DYNC2I1: variants seen among roughly 807,000 people sequenced by gnomAD.
The protein encoded by DYNC2I1 is cytoplasmic dynein 2 intermediate chain 1.
In DYNC2I1, 89 loss-of-function variants were observed where a neutral mutation model predicts 133.4. The observed-to-expected ratio is 0.67, with a 90% confidence interval of 0.56 to 0.80. The LOEUF (loss-of-function observed/expected upper bound fraction) is 0.80, where lower values mean the gene tolerates loss of function less well. DYNC2I1 is among the 30% of genes least tolerant of loss of function. The pLI is 0.00. For missense variants in DYNC2I1, 1,291 were observed against 1,314.5 expected (o/e 0.98, Z 0.28); for synonymous variants, 504 against 484.3 (o/e 1.04, Z -0.54).
intron 3 of DYNC2I1, among the ~76,000 whole-genome samples, chr7:158,871,871 AT>A (rs1316328263): frequency 1.3e-5 from 2 of 151,940 alleles, no homozygotes; most frequent in Non-Finnish European, 2.9e-5. Flanking sequence ...TGTTTGGGAC[AT>A]TTTCCTCTTT....
Position 158,871,355 on chromosome 7 carries a change from G to A in DYNC2I1, c.283G>A (p.Asp95Asn), listed in dbSNP as rs1842856756. The change falls in exon 3 of 25, where the codon GAC (aspartate) becomes AAC (asparagine). Residue 95 changes from aspartate (D) to asparagine (N), a missense_variant. By Grantham distance (23) the Asp-to-Asn change is conservative. Transcript: ENST00000407559. ...DRDRQRERRR[D>N]AKDREKEKLK... is the part of the protein sequence containing the mutation. ...AGACAGACAGAGGGAGAGGAGAAGA[G>A]ACGCAAAAGACCGGGAGAAAGAAAA... 1.3e-6 allele frequency: 2 copies of A among 1,552,460 alleles called. No individual in the cohort carries two copies. The highest frequency in any genetic ancestry group is 1.7e-6 in the Non-Finnish European group (2 of 1,147,402).
chr7:158,887,453 G>T (rs970457860), intron 7 of DYNC2I1, among the ~76,000 whole-genome samples: 19 of 151,910 alleles, frequency 1.3e-4, no homozygotes, highest in African/African-American at 4.6e-4. Flanking sequence ...CTAACAAGAG[G>T]GTCCCAAAAC....
rs564898084 is a variant in DYNC2I1 at position 158,935,559 on chromosome 7, A to G, written c.2778+1010A>G. Among the ~76,000 whole-genome samples, 11 of 152,346 alleles carry G rather than the reference A, an allele frequency of 7.2e-5. No homozygotes were observed. The East Asian group carries it at 2.1e-3, about 29-fold the overall frequency. The stretch of plus-strand genomic sequence containing the variant: ...TATAGTACTTAAAACATTATAAATT[A>G]TGTTTATATGTCAGTCACATAAACT... On this transcript the variant is annotated intron_variant, in intron 23 of 24. Transcript: ENST00000407559.
intron 7 of DYNC2I1, among the ~76,000 whole-genome samples, 184 bp from the exon 8 acceptor site, chr7:158,891,081 A>G (rs942983817): frequency 1.3e-5 from 2 of 152,236 alleles, no homozygotes; most frequent in Non-Finnish European, 2.9e-5. Context: ...TACTTGCTCT[A>G]AGTCACACAG....
intron 17 of DYNC2I1, among the ~76,000 whole-genome samples, chr7:158,925,004 C>T (rs1445681990): frequency 6.6e-6 from 1 of 152,184 alleles, no homozygotes; most frequent in African/African-American, 2.4e-5. Context: ...GATCTGCCCT[C>T]CTTGGCCTCC....
In DYNC2I1 at chr7:158,923,667, A is replaced by G; in HGVS notation, c.2191A>G (p.Arg731Gly). Residue 731 changes from arginine (R) to glycine (G), a missense_variant, in exon 17 of 25, where the codon AGG becomes GGG. By Grantham distance (125) the Arg-to-Gly change is moderately radical. Transcript: ENST00000407559. ...CGTCTGGGATTTGAGAGAAGACTCA[A>G]GGCTGCATTACTCTGTGACGCTGAG... is the stretch of plus-strand genomic sequence containing the variant. ...VVVWDLREDS[R>G]LHYSVTLSDG... The G allele has an allele frequency of 6.2e-7, 1 of 1,613,992 alleles. No individual in the cohort carries two copies. Among genetic ancestry groups the G allele is most frequent in the Non-Finnish European group, 8.5e-7 (1 of 1,179,896 alleles).
At chr7:158,839,713 G>A in the DYNC2I1 span, among the ~76,000 whole-genome samples, 3 of 151,990 alleles carry the variant, frequency 2.0e-5, no homozygotes, top group African/African-American at 7.2e-5. Context: ...CCAGCTACTC[G>A]GGAGGCTGAG....
downstream of DYNC2I1, among the ~76,000 whole-genome samples, chr7:158,950,070 C>G (rs189601641): frequency 6.6e-6 from 1 of 152,214 alleles, no homozygotes; most frequent in East Asian, 1.9e-4. Context: ...CGTGCCCAGC[C>G]AAGTCGAGCG....
At chr7:158,880,299 G>A (rs1194783301) in intron 5 of DYNC2I1, among the ~76,000 whole-genome samples, 6 of 152,200 alleles carry the variant, frequency 3.9e-5, no homozygotes, top group Non-Finnish European at 7.4e-5. Flanking sequence ...CACTTTGGGA[G>A]GCCGAGGTGG....
rs527904036 is a variant in DYNC2I1 at position 158,918,697 on chromosome 7, A to G, written c.1792-43A>G. On this transcript the variant is annotated intron_variant, in intron 14 of 24. Transcript: ENST00000407559. ...AATTTTTTTTTGGAAAAGATAATCCATTGTGAAGTTTTTATTAAAGACTAC... is the reference window on the plus strand; with the variant it reads ...AATTTTTTTTTGGAAAAGATAATCCGTTGTGAAGTTTTTATTAAAGACTAC... The G allele has an allele frequency of 1.1e-5, 18 of 1,600,302 alleles. No homozygotes were observed. The African/African-American group carries it at 1.3e-4, about 12-fold the overall frequency.
intron 7 of DYNC2I1, among the ~76,000 whole-genome samples, chr7:158,887,289 A>G (rs1282982012): frequency 2.0e-5 from 3 of 152,244 alleles, no homozygotes; most frequent in Admixed American, 2.0e-4. Flanking sequence ...AAGAGAATCT[A>G]TCAGACAGCA....
chr7:158,844,251 T>C, the DYNC2I1 span, among the ~76,000 whole-genome samples: 1 of 152,206 alleles, frequency 6.6e-6, no homozygotes, highest in Non-Finnish European at 1.5e-5. Context: ...ATGGAATACT[T>C]GTCTTAACGT....
At chr7:158,883,666 T>C (rs1170347733) in intron 5 of DYNC2I1, among the ~76,000 whole-genome samples, 4 of 142,528 alleles carry the variant, frequency 2.8e-5, no homozygotes, top group Non-Finnish European at 6.1e-5. Flanking sequence ...TTCTTTTTTT[T>C]TTTTTTTTTT....
Position 158,884,562 on chromosome 7 carries a change from A to T in DYNC2I1, c.880-2A>T. 1.2e-6 allele frequency: 2 copies of T among 1,610,498 alleles called. No homozygotes were observed. The highest frequency in any genetic ancestry group is 3.4e-5 in the Admixed American group (2 of 59,438). On this transcript the variant is annotated splice_acceptor_variant, in intron 5 of 24. Transcript: ENST00000407559. LOFTEE classifies it high-confidence loss of function. Reference sequence around the variant, plus strand: ...TTATGGGATTATATTTTTGTTTGATAGAATGGTGAACACAGAAATCGAGGT... The same window carrying T: ...TTATGGGATTATATTTTTGTTTGATTGAATGGTGAACACAGAAATCGAGGT...
chr7:158,888,981 T>A (rs1244401663), intron 7 of DYNC2I1, among the ~76,000 whole-genome samples: 1 of 152,084 alleles, frequency 6.6e-6, no homozygotes, highest in Non-Finnish European at 1.5e-5. Context: ...TATAATCTTT[T>A]ATAATCATAT....
chr7:158,931,588 A>G (rs796782147), intron 21 of DYNC2I1, among the ~76,000 whole-genome samples: 4 of 152,214 alleles, frequency 2.6e-5, no homozygotes, highest in African/African-American at 9.6e-5. Context: ...TATATGGTGC[A>G]TTGTATTTAT....
chr7:158,905,062 G>A (rs1846626837), intron 10 of DYNC2I1: 1 of 401,148 alleles, frequency 2.5e-6, no homozygotes, highest in Admixed American at 3.4e-5. Context: ...TCCTTAGGGG[G>A]AAGAGGTGGA....
At chr7:158,855,423 TAGG>T (rs1841165150), upstream of DYNC2I1, among the ~76,000 whole-genome samples, 2 of 152,194 alleles carry the variant, frequency 1.3e-5, no homozygotes, top group South Asian at 4.1e-4. Flanking sequence ...GCACTGATCT[TAGG>T]AGCAGTTTAG....
At chr7:158,915,186 G>T (rs531422940) in intron 14 of DYNC2I1, among the ~76,000 whole-genome samples, 1 of 152,070 alleles carries the variant, frequency 6.6e-6, no homozygotes, top group East Asian at 1.9e-4. Context: ...CAGGATGATT[G>T]TGAAACCTCG....
Sources: gnomAD v4.1 joint callset for allele counts (sites outside exome capture counted in the v4.1 genomes callset) on GRCh38, gnomAD v4.1.1 for gene constraint, MANE v1.5 for transcripts, NCBI Gene and HGNC (gene_info 2026-07-23, HGNC 2026-07-21) for gene names.